Variants in PCSK4 observed in about 807,000 individuals in gnomAD.
PCSK4 encodes the protein proprotein convertase subtilisin/kexin type 4.
A neutral mutation model predicts 80.3 loss-of-function variants in PCSK4; 64 were observed. The ratio of observed to expected loss-of-function variants is 0.80; its 90% CI spans 0.65 to 0.98. The LOEUF (loss-of-function observed/expected upper bound fraction) is 0.98. PCSK4 is among the 50% of genes least tolerant of loss of function. The pLI, the probability that PCSK4 is intolerant of heterozygous loss-of-function variation, is 0.00. For missense variants in PCSK4, 1,213 were observed against 1,093.6 expected (o/e 1.11, Z -1.54); for synonymous variants, 561 against 487.6 (o/e 1.15, Z -1.98).
chr19:1,490,187 G>C, exon 1 of PCSK4: 3 of 1,613,700 alleles, frequency 1.9e-6, no homozygotes, highest in Non-Finnish European at 2.5e-6. Context: ...CCGAATTTGC[G>C]TGCCAGGCGC....
intron 13 of PCSK4, 166 bp downstream of exon 13, chr19:1,482,730 T>C (rs1372015455): frequency 5.0e-6 from 4 of 797,102 alleles, no homozygotes; most frequent in South Asian, 1.8e-5. Context: ...GTGCCTGTCA[T>C]TGCACACCAT....
At chr19:1,485,261 T>A (rs528469670) in intron 8 of PCSK4, among the ~76,000 whole-genome samples, 1 of 152,020 alleles carries the variant, frequency 6.6e-6, no homozygotes, top group South Asian at 2.1e-4. Context: ...ACCCCGTCTC[T>A]ACTGAAAATA....
chr19:1,487,086 G>C (rs374976576), intron 7 of PCSK4, 21 bp from the exon 8 acceptor site: 5 of 1,602,338 alleles, frequency 3.1e-6, no homozygotes, highest in Non-Finnish European at 4.2e-6. Context: ...AGGAGGGGCG[G>C]GGAGGGGGCG....
At chr19:1,483,298 T>G in exon 12 of PCSK4, 1 of 1,600,818 alleles carries the variant, frequency 6.2e-7, no homozygotes, top group Non-Finnish European at 8.5e-7. Flanking sequence ...TGGCCACGAG[T>G]GTGGAGCGCG....
exon 10 of PCSK4, chr19:1,483,914 C>A: frequency 6.7e-7 from 1 of 1,483,594 alleles, no homozygotes; most frequent in Non-Finnish European, 8.9e-7. Context: ...CCACCAGGTG[C>A]TGCATGTCTC....
chr19:1,486,881 C>T (rs1161448643), exon 8 of PCSK4: 12 of 1,599,794 alleles, frequency 7.5e-6, no homozygotes, highest in Non-Finnish European at 1.0e-5. Flanking sequence ...CACGCCGCTG[C>T]TGTAGGTGGT....
upstream of PCSK4, chr19:1,490,666 C>T (rs913783631): frequency 3.5e-5 from 12 of 338,852 alleles, no homozygotes; most frequent in African/African-American, 2.6e-4. Flanking sequence ...CTCCCACTTT[C>T]CAACACACCC....
rs200449145 is a variant in PCSK4 at position 1,486,876 on chromosome 19, C to T, written c.1045G>A (p.Gly349Ser). 1.6e-4 allele frequency: 253 copies of T among 1,598,810 alleles called. 1 individual carries two copies. Among genetic ancestry groups the T allele is most frequent in the Non-Finnish European group, 2.0e-4 (236 of 1,179,444 alleles). The change falls in exon 8 of 15, where the codon GGC becomes AGC. Residue 349 changes from glycine (G) to serine (S), a missense_variant. Physicochemically the swap from Gly to Ser is moderately conservative, Grantham distance 56. Transcript: ENST00000300954. Reference sequence around the variant, plus strand: ...ACGATCTGGGGGTCGGTGGCCACGCCGCTGCTGTAGGTGGTGGTGAGGGTG... The same window carrying T: ...ACGATCTGGGGGTCGGTGGCCACGCTGCTGCTGTAGGTGGTGGTGAGGGTG...
chr19:1,483,392 G>C, exon 12 of PCSK4: 1 of 1,605,126 alleles, frequency 6.2e-7, no homozygotes, highest in East Asian at 2.2e-5. Flanking sequence ...GTGCTCCAGC[G>C]AGCGGATGGA....
rs1465483520 is a variant in PCSK4 at position 1,486,598 on chromosome 19, T to TC, written c.1068+254_1068+255insG. 1.1e-4 allele frequency among the ~76,000 whole-genome samples: 16 copies of TC among 151,468 alleles called. No homozygotes were observed. In the East Asian group the frequency reaches 3.1e-3, roughly 29 times the overall value. On this transcript the variant is annotated intron_variant, in intron 8 of 14. Transcript: ENST00000300954. ...GGCGTCAGCCACCGTGCCTGGCCTT[T>TC]TTTTTTTGTAGTTTTAGTAGAGACA...
exon 4 of PCSK4, chr19:1,488,076 G>C (rs946887585): frequency 6.2e-7 from 1 of 1,613,106 alleles, no homozygotes; most frequent in African/African-American, 1.3e-5. Context: ...GCTCAGGTCT[G>C]GTTGGGCCTC....
Position 1,481,615 on chromosome 19 carries a change from C to T in PCSK4, c.*144G>A, listed in dbSNP as rs2084298125. ...TCTCTCTCTCTCTCCCGCCAGGCTT[C>T]GGGGTTCCACGGGGCCCATCCCTGG... On this transcript the variant is annotated 3_prime_UTR_variant, in exon 15 of 15. Coordinates refer to ENST00000300954, the Ensembl canonical transcript of PCSK4. The T allele has an allele frequency of 9.4e-6, 5 of 531,232 alleles. No individual in the cohort carries two copies. The South Asian group carries it at 1.1e-4, about 12-fold the overall frequency. 32.9% of individuals were successfully genotyped at this position (531,232 alleles called of 1,614,324 possible).
At chr19:1,490,195 C>A in exon 1 of PCSK4, 1 of 1,613,600 alleles carries the variant, frequency 6.2e-7, no homozygotes, top group Non-Finnish European at 8.5e-7. Context: ...GCGTGCCAGG[C>A]GCTCGACCTC....
In PCSK4 at chr19:1,487,009, G is replaced by C. The variant is rs761409585; in HGVS notation, c.912C>G (p.His304Gln). 2.5e-6 allele frequency: 4 copies of C among 1,609,142 alleles called. No homozygotes were observed. In the Admixed American group the frequency reaches 5.0e-5, roughly 20 times the overall value. Residue 304 changes from histidine (H) to glutamine (Q), a missense_variant, in exon 8 of 15, where the codon CAC becomes CAG. His to Gln is a conservative substitution (Grantham distance 24). Transcript: ENST00000300954. The stretch of plus-strand genomic sequence containing the variant: ...AGCCGTCGCAGTTGCAGTTGTCGTA[G>C]TGCAGGCCGCCGTTGCCCGAGGCCC...
At chr19:1,482,194 G>A (rs760968836) in exon 15 of PCSK4, 21 of 1,542,476 alleles carry the variant, frequency 1.4e-5, no homozygotes, top group Admixed American at 1.1e-4. Context: ...GGATGTAGGC[G>A]GGGCCGTCAC....
chr19:1,488,099 G>C lies in PCSK4; in HGVS notation c.388-7C>G, dbSNP rs1056508336. The C allele has an allele frequency of 6.2e-7, 1 of 1,612,646 alleles. No homozygotes were observed. The highest frequency in any genetic ancestry group is 1.3e-5 in the African/African-American group (1 of 74,906). ...CTGGTTGGGCCTCGCTGTTCTGCAG[G>C]GGGAGGCGGGGTTGTGACCCTGTGA... is the stretch of plus-strand genomic sequence containing the variant. On this transcript the variant is annotated splice_polypyrimidine_tract_variant and splice_region_variant and intron_variant, in intron 3 of 14. Transcript: ENST00000300954.
chr19:1,488,231 A>G (rs774377685), exon 3 of PCSK4: 1 of 1,613,196 alleles, frequency 6.2e-7, no homozygotes, highest in South Asian at 1.1e-5. Context: ...GGGCACCACG[A>G]CAGAGCGTTT....
exon 8 of PCSK4, chr19:1,487,021 G>A (rs748286199): frequency 1.6e-5 from 26 of 1,608,302 alleles, no homozygotes; most frequent in Middle Eastern, 1.6e-4. Context: ...GCAGGCCGCC[G>A]TTGCCCGAGG....
intron 13 of PCSK4, 126 bp downstream of exon 13, chr19:1,482,770 C>T: frequency 9.7e-7 from 1 of 1,026,134 alleles, no homozygotes; most frequent in Non-Finnish European, 1.5e-6. Context: ...CTACTGTGTG[C>T]ATGTTCTCTT....
Sources: gnomAD v4.1 joint callset for allele counts (sites outside exome capture counted in the v4.1 genomes callset) on GRCh38, gnomAD v4.1.1 for gene constraint, MANE v1.5 for transcripts, NCBI Gene and HGNC (gene_info 2026-07-23, HGNC 2026-07-21) for gene names.